BAZ1B: variants seen among roughly 807,000 people sequenced by gnomAD.
BAZ1B encodes tyrosine-protein kinase BAZ1B.
Under a neutral mutation model 153.8 loss-of-function variants are expected in BAZ1B, and 22 were observed. That is an observed-to-expected ratio of 0.14 (90% confidence interval 0.10 to 0.20). The LOEUF (loss-of-function observed/expected upper bound fraction) is 0.20, where lower values mean the gene tolerates loss of function less well. Ranked by LOEUF, BAZ1B falls within the 10% of genes least tolerant of loss-of-function variation. The pLI is 1.00. For missense variants in BAZ1B, 1,325 were observed against 1,799.3 expected (o/e 0.74, Z 4.77); for synonymous variants, 676 against 633.4 (o/e 1.07, Z -1.01).
rs143003798 is a variant in BAZ1B at position 73,482,888 on chromosome 7, C to T, written c.892-4319G>A. 3.8e-3 allele frequency among the ~76,000 whole-genome samples: 581 copies of T among 152,290 alleles called. 5 individuals are homozygous for T. The highest frequency in any genetic ancestry group is 0.027 in the Middle Eastern group (8 of 294). ...CCCCACGTGAGCAGTCCTTCAGTAA[C>T]TGGATCATCTCAGCATGGGGCATGC... is the stretch of plus-strand genomic sequence containing the variant. On this transcript the variant is annotated intron_variant, in intron 6 of 19. Coordinates refer to ENST00000339594, the MANE Select transcript of BAZ1B (RefSeq NM_032408.4).
chr7:73,480,804 C>A (rs562864256), intron 6 of BAZ1B, among the ~76,000 whole-genome samples: 1 of 152,256 alleles, frequency 6.6e-6, no homozygotes, highest in African/African-American at 2.4e-5. Context: ...AAAAAGGGTA[C>A]AGGGAAATGG....
intron 1 of BAZ1B, among the ~76,000 whole-genome samples, chr7:73,517,452 A>G (rs544523422): frequency 1.3e-5 from 2 of 151,800 alleles, no homozygotes; most frequent in South Asian, 4.2e-4. Context: ...CCATGATCAC[A>G]CATCACTGCA....
At chr7:73,514,576 C>A (rs1790716760) in intron 1 of BAZ1B, among the ~76,000 whole-genome samples, 1 of 151,716 alleles carries the variant, frequency 6.6e-6, no homozygotes, top group African/African-American at 2.4e-5. Flanking sequence ...TTATGAGGCC[C>A]AGGCACGAAC....
rs1554575747 is a variant in BAZ1B at position 73,492,838 on chromosome 7, G to A, written c.655C>T (p.Pro219Ser). 2.5e-6 allele frequency: 4 copies of A among 1,609,172 alleles called. No homozygotes were observed. The highest frequency in any genetic ancestry group is 1.3e-5 in the African/African-American group (1 of 74,760). The change falls in exon 5 of 20, where the codon CCT (proline) becomes TCT (serine). Residue 219 changes from proline to serine, a missense_variant. By Grantham distance (74) the Pro-to-Ser change is moderately conservative. This residue lies in a region of BAZ1B where 153 missense variants were observed against 204.8 expected (regional missense o/e 0.75). Transcript: ENST00000339594. ...ERKWAPPKFL[P>S]HKYDVKLQNE... is the part of the protein sequence containing the mutation. Reference sequence around the variant, plus strand: ...TGTAGTTTCACATCATATTTGTGAGGCAGAAATTTTGGAGGAGCCCATTTC... The same window carrying A: ...TGTAGTTTCACATCATATTTGTGAGACAGAAATTTTGGAGGAGCCCATTTC...
chr7:73,447,389 G>GA lies in BAZ1B; in HGVS notation c.3729-11dup, dbSNP rs1404248924. On this transcript the variant is annotated splice_polypyrimidine_tract_variant and intron_variant, in intron 15 of 19. Transcript: ENST00000339594. The stretch of plus-strand genomic sequence containing the variant: ...CTCTTCAGTATAGTTCCTGTGGGTA[G>GA]AAAAAATAATGTAGGGAACACAGTT... The GA allele has an allele frequency of 6.2e-7, 1 of 1,603,806 alleles. No individual in the cohort carries two copies. Among genetic ancestry groups the GA allele is most frequent in the Non-Finnish European group, 8.5e-7 (1 of 1,175,270 alleles).
intron 9 of BAZ1B, among the ~76,000 whole-genome samples, chr7:73,469,130 C>CAA (rs57498905): frequency 3.8e-4 from 29 of 76,314 alleles, no homozygotes; most frequent in South Asian, 4.5e-4. Context: ...AATTCCGTCT[C>CAA]AAAAAAAAAA....
chr7:73,451,585 CAG>C (rs1407612334), intron 13 of BAZ1B, among the ~76,000 whole-genome samples: 6 of 152,128 alleles, frequency 3.9e-5, no homozygotes, highest in South Asian at 4.1e-4. Context: ...CCTATAGAAA[CAG>C]AGAATCACAG....
intron 3 of BAZ1B, among the ~76,000 whole-genome samples, chr7:73,499,175 G>A (rs1790030518): frequency 6.6e-6 from 1 of 151,968 alleles, no homozygotes; most frequent in African/African-American, 2.4e-5. Context: ...CTATAGGCAC[G>A]CACCATCGTG....
At chr7:73,464,054 A>T in intron 11 of BAZ1B, 2 of 863,806 alleles carry the variant, frequency 2.3e-6, no homozygotes, top group Non-Finnish European at 2.8e-6. Flanking sequence ...TTCAGACAAC[A>T]CAATTCTGAA....
intron 8 of BAZ1B, 80 bp from the exon 9 acceptor site, chr7:73,469,730 C>A: frequency 2.0e-6 from 3 of 1,517,090 alleles, no homozygotes; most frequent in Admixed American, 3.4e-5. Context: ...GAAGATAATA[C>A]AGAGTATCAC....
At chr7:73,489,156 G>A in intron 6 of BAZ1B, 38 bp downstream of exon 6, 3 of 1,580,326 alleles carry the variant, frequency 1.9e-6, no homozygotes, top group Admixed American at 1.7e-5. Flanking sequence ...AAATAATGAT[G>A]CTTTATCCTG....
At chr7:73,463,922 G>A (rs1002117331) in intron 11 of BAZ1B, among the ~76,000 whole-genome samples, 1 of 152,124 alleles carries the variant, frequency 6.6e-6, no homozygotes, top group African/African-American at 2.4e-5. Flanking sequence ...TGGCCAGGCT[G>A]GTCTCGAACT....
intron 7 of BAZ1B, among the ~76,000 whole-genome samples, chr7:73,471,993 A>G (rs1662229056): frequency 6.6e-6 from 1 of 152,208 alleles, no homozygotes; most frequent in African/African-American, 2.4e-5. Context: ...GGAAGACCAA[A>G]TTCTGTCTCA....
intron 2 of BAZ1B, 22 bp from the exon 3 acceptor site, chr7:73,508,493 T>C: frequency 6.3e-7 from 1 of 1,587,868 alleles, no homozygotes; most frequent in East Asian, 2.2e-5. Flanking sequence ...TAATTAGTTA[T>C]CAAGAAAACA....
intron 12 of BAZ1B, among the ~76,000 whole-genome samples, chr7:73,460,968 T>C (rs1036251610): frequency 4.6e-5 from 7 of 151,796 alleles, no homozygotes; most frequent in South Asian, 4.1e-4. Flanking sequence ...TTTTTTTTTT[T>C]GGTTTTTTGT....
chr7:73,502,209 A>C (rs1563397223), intron 3 of BAZ1B, among the ~76,000 whole-genome samples: 1 of 152,006 alleles, frequency 6.6e-6, no homozygotes, highest in Non-Finnish European at 1.5e-5. Flanking sequence ...TGCTAAACAC[A>C]CAGAAACAAC....
At chr7:73,512,722 G>A (rs1398728868) in intron 1 of BAZ1B, among the ~76,000 whole-genome samples, 1 of 152,204 alleles carries the variant, frequency 6.6e-6, no homozygotes, top group Admixed American at 6.6e-5. Flanking sequence ...TAAGTAGAAA[G>A]TTAGTGAACA....
rs782584979 is a variant in BAZ1B, at chr7:73,477,280, C to G, written c.2181G>C (p.Glu727Asp). The G allele has an allele frequency of 1.2e-6, 2 of 1,614,230 alleles. No homozygotes were observed. Among genetic ancestry groups the G allele is most frequent in the Non-Finnish European group, 1.7e-6 (2 of 1,180,048 alleles). The change falls in exon 7 of 20, where the codon GAG becomes GAC. Residue 727 changes from glutamate to aspartate, a missense_variant. Physicochemically the swap from Glu to Asp is conservative, Grantham distance 45 (BLOSUM62 2). Transcript: ENST00000339594. This position sits in a 1 kb window ranked among gnomAD's most constrained non-coding sequence, Gnocchi z 5.6. ...CAGAGGTCTCCAGCTTTTCTAGGAA[C>G]TCATCTTGTACCTCATTATCCTCAA... ...AAFEDNEVQDEFLEKLETSEF... is the reference protein window; with the variant it reads ...AAFEDNEVQDDFLEKLETSEF...
intron 1 of BAZ1B, 36 bp downstream of exon 1, chr7:73,521,791 C>T (rs782657783): frequency 1.4e-5 from 20 of 1,467,440 alleles, no homozygotes; most frequent in Non-Finnish European, 1.8e-5. Flanking sequence ...CGGCCCAGCC[C>T]GGCCCAGCCC....
Sources: gnomAD v4.1 joint callset for allele counts (sites outside exome capture counted in the v4.1 genomes callset) on GRCh38, gnomAD v4.1.1 for gene constraint, gnomAD v4.1.1 regional missense constraint, Gnocchi (gnomAD v3.1) non-coding constraint, MANE v1.5 for transcripts, NCBI Gene and HGNC (gene_info 2026-07-23, HGNC 2026-07-21) for gene names.